Variants in IL17RD observed in about 807,000 individuals in gnomAD.
IL17RD encodes the protein interleukin 17 receptor D.
A neutral mutation model predicts 80.5 loss-of-function variants in IL17RD; 52 were observed. The observed-to-expected ratio is 0.65, with a 90% CI of 0.52 to 0.81. The LOEUF is 0.81. IL17RD is among the 40% of genes least tolerant of loss of function. The probability of loss-of-function intolerance (pLI) is 0.00; values close to 1 mark genes in which losing one functional copy is unlikely to be tolerated. For missense variants in IL17RD, 1,024 were observed against 955.1 expected (o/e 1.07, Z -0.95); for synonymous variants, 416 against 391.8 (o/e 1.06, Z -0.73).
chr3:57,165,306 C>T lies in IL17RD; in HGVS notation c.-20G>A. 7.2e-7 allele frequency: 1 copy of T among 1,393,684 alleles called. No individual in the cohort carries two copies. Among genetic ancestry groups the T allele is most frequent in the Non-Finnish European group, 9.4e-7 (1 of 1,067,990 alleles). The allele number at this position is 1,393,684 out of a possible 1,614,324, so 86.3% of individuals were successfully genotyped here. ...GGCCATGGCCGTGCGCTCGCCCAGCCAGGCCGTTCTCTGCGCCCCGGCCGC... is the reference window on the plus strand; with the variant it reads ...GGCCATGGCCGTGCGCTCGCCCAGCTAGGCCGTTCTCTGCGCCCCGGCCGC... On this transcript the variant is annotated 5_prime_UTR_variant, in exon 1 of 13. Transcript: ENST00000296318.
intron 7 of IL17RD, among the ~76,000 whole-genome samples, chr3:57,105,550 A>ATATATATATAT (rs1210429108): frequency 6.2e-5 from 5 of 80,394 alleles, no homozygotes; most frequent in African/African-American, 3.8e-4. Flanking sequence ...AAAAAAAAAA[A>ATATATATATAT]AAATATATAT....
intron 1 of IL17RD, chr3:57,134,371 G>C: frequency 2.9e-6 from 2 of 695,550 alleles, no homozygotes; most frequent in Non-Finnish European, 5.3e-6. Flanking sequence ...ATGGGCATAA[G>C]TAAGCGAAAG....
At chr3:57,119,092 C>T (rs1201050094) in intron 2 of IL17RD, among the ~76,000 whole-genome samples, 3 of 152,138 alleles carry the variant, frequency 2.0e-5, no homozygotes, top group Non-Finnish European at 2.9e-5. Context: ...GTGGCTCACT[C>T]CTGTAATCCC....
chr3:57,121,560 A>C (rs1208258720), intron 1 of IL17RD, among the ~76,000 whole-genome samples: 1 of 152,196 alleles, frequency 6.6e-6, no homozygotes, highest in African/African-American at 2.4e-5. Flanking sequence ...AATCTACTGA[A>C]GCTCCCCTTC....
At chr3:57,134,687 C>A in intron 1 of IL17RD, 2 of 716,172 alleles carry the variant, frequency 2.8e-6, no homozygotes, top group South Asian at 2.8e-5. Flanking sequence ...AGGAGATCAT[C>A]AAGACTTTGT....
Position 57,097,655 on chromosome 3 carries a change from G to GA in IL17RD, c.2047dup (p.Ser683PhefsTer22). On this transcript the variant is annotated frameshift_variant, in exon 12 of 13. Transcript: ENST00000296318. LOFTEE classifies it high-confidence loss of function. ...GGAAGACGTTTCTGTCTGGTCCGTC[G>GA]AGAGTCCTTCCATCAGTGGCAGAGA... 6.2e-7 allele frequency: 1 copy of GA among 1,601,566 alleles called. No homozygotes were observed. The highest frequency in any genetic ancestry group is 1.1e-5 in the South Asian group (1 of 88,468).
intron 1 of IL17RD, 191 bp downstream of exon 1, chr3:57,164,970 C>T (rs988405554): frequency 2.0e-5 from 26 of 1,320,996 alleles, no homozygotes; most frequent in Middle Eastern, 5.7e-4. Context: ...GCTTTCATCT[C>T]GGCCAGGGCC....
intron 1 of IL17RD, among the ~76,000 whole-genome samples, chr3:57,154,860 C>T (rs1031740709): frequency 6.6e-6 from 1 of 152,152 alleles, no homozygotes; most frequent in African/African-American, 2.4e-5. Flanking sequence ...TTAGTGAAGC[C>T]TTCTAAGGAT....
intron 1 of IL17RD, among the ~76,000 whole-genome samples, chr3:57,156,756 C>T (rs1259238261): frequency 6.6e-6 from 1 of 151,986 alleles, no homozygotes; most frequent in Non-Finnish European, 1.5e-5. Flanking sequence ...TTATCTAGTA[C>T]CTATATCTTC....
intron 10 of IL17RD, among the ~76,000 whole-genome samples, chr3:57,101,676 A>G (rs1706834338): frequency 6.6e-6 from 1 of 152,256 alleles, no homozygotes; most frequent in South Asian, 2.1e-4. Context: ...TCTTGCAGCC[A>G]AGTGCACCTA....
chr3:57,128,004 C>T (rs1351135034), intron 1 of IL17RD, among the ~76,000 whole-genome samples: 1 of 152,162 alleles, frequency 6.6e-6, no homozygotes, highest in Non-Finnish European at 1.5e-5. Context: ...TGCTGGTGAA[C>T]GCAAAACGCA....
Position 57,101,360 on chromosome 3 carries a change from T to G in IL17RD, c.983A>C (p.Asn328Thr). Residue 328 changes from asparagine (N) to threonine (T), a missense_variant, in exon 11 of 13, where the codon AAT (asparagine) becomes ACT (threonine). Asn to Thr is a moderately conservative substitution (Grantham distance 65). Coordinates refer to ENST00000296318, the MANE Select transcript of IL17RD (RefSeq NM_017563.5). ...TVMCRKKQQENIYSHLDEESS... is the reference protein window; with the variant it reads ...TVMCRKKQQETIYSHLDEESS... ...CTCTTCATCTAAATGTGAATATATA[T>G]TTTCTAAATTGGAAAAGAAGATAAG... The G allele has an allele frequency of 1.9e-6, 3 of 1,577,878 alleles. No individual in the cohort carries two copies. Among genetic ancestry groups the G allele is most frequent in the Non-Finnish European group, 2.6e-6 (3 of 1,154,690 alleles).
At chr3:57,114,494 A>G (rs576741773) in intron 3 of IL17RD, among the ~76,000 whole-genome samples, 198 bp downstream of exon 3, 2 of 152,308 alleles carry the variant, frequency 1.3e-5, no homozygotes, top group East Asian at 3.9e-4. Flanking sequence ...AGTAGAAGAA[A>G]CAAAAGACCA....
chr3:57,165,060 G>C, intron 1 of IL17RD, 101 bp downstream of exon 1: 1 of 1,371,176 alleles, frequency 7.3e-7, no homozygotes, highest in East Asian at 3.1e-5. Context: ...ACCCCGCGAA[G>C]AGCAGACAGG....
chr3:57,155,838 G>C (rs2107542017), intron 1 of IL17RD, among the ~76,000 whole-genome samples: 1 of 152,302 alleles, frequency 6.6e-6, no homozygotes, highest in East Asian at 1.9e-4. Flanking sequence ...TGATCCGCCT[G>C]CCTTGGCCTC....
At chr3:57,127,367 T>TAA (rs1559477273) in intron 1 of IL17RD, among the ~76,000 whole-genome samples, 2,641 of 82,366 alleles carry the variant, frequency 0.032, 362 homozygotes, top group East Asian at 0.13. Context: ...TAAATATAAA[T>TAA]ATATATATAT....
rs1203063083 is a variant in IL17RD, at chr3:57,165,193, G to A, written c.94C>T (p.Arg32Cys). 5.9e-6 allele frequency: 9 copies of A among 1,528,636 alleles called. No homozygotes were observed. Among genetic ancestry groups the A allele is most frequent in the Non-Finnish European group, 6.1e-6 (7 of 1,138,980 alleles). The allele number at this position is 1,528,636 out of a possible 1,614,324, so 94.7% of individuals were successfully genotyped here. ...QLAVAAGGSG[R>C]ARGADTCGWR... ...CCACAGGTGTCGGCGCCCCGCGCGC[G>A]GCCGGACCCGCCAGCGGCCACAGCC... Residue 32 changes from arginine (R) to cysteine (C), a missense_variant, in exon 1 of 13, where the codon CGC becomes TGC. Arg to Cys is a radical substitution (Grantham distance 180). Transcript: ENST00000296318.
At chr3:57,144,779 C>T (rs985259785) in intron 1 of IL17RD, among the ~76,000 whole-genome samples, 1 of 152,264 alleles carries the variant, frequency 6.6e-6, no homozygotes, top group Non-Finnish European at 1.5e-5. Flanking sequence ...GCATGAGAGG[C>T]AAGGACCTGT....
chr3:57,136,416 C>A (rs150051832), intron 1 of IL17RD, among the ~76,000 whole-genome samples: 1,750 of 152,126 alleles, frequency 0.012, 85 homozygotes, highest in Admixed American at 0.092. Context: ...CAGGAATGCT[C>A]GAGACCAGGA....
Sources: allele counts gnomAD v4.1 joint callset (sites outside exome capture counted in the v4.1 genomes callset), GRCh38; gene constraint gnomAD v4.1.1; transcripts MANE v1.5; gene names NCBI Gene and HGNC (gene_info 2026-07-23, HGNC 2026-07-21).